ATP11B: variants seen among roughly 807,000 people sequenced by gnomAD.
ATP11B encodes the protein ATPase phospholipid transporting 11B (putative).
ATP11B carries 81 observed loss-of-function variants against 157.8 expected under a neutral mutation model. The observed-to-expected ratio is 0.51, with a 90% CI of 0.43 to 0.62. The LOEUF is 0.62. Ranked by LOEUF, ATP11B falls within the 20% of genes least tolerant of loss-of-function variation. The pLI is 0.00. For missense variants in ATP11B, 1,165 were observed against 1,402.2 expected (o/e 0.83, Z 2.70); for synonymous variants, 451 against 469.4 (o/e 0.96, Z 0.51).
At chr3:182,830,643 G>A (rs961607037) in intron 4 of ATP11B, among the ~76,000 whole-genome samples, 5 of 152,166 alleles carry the variant, frequency 3.3e-5, no homozygotes, top group African/African-American at 7.2e-5. Flanking sequence ...TTTATAAGAT[G>A]TAGGGATAAG....
intron 25 of ATP11B, among the ~76,000 whole-genome samples, chr3:182,895,104 C>T (rs1174564813): frequency 7.8e-6 from 1 of 128,782 alleles, no homozygotes; most frequent in Non-Finnish European, 1.6e-5. Flanking sequence ...CAGATGGAGA[C>T]CCTGACTCAA....
At chr3:182,796,228 A>G (rs1412245873) in intron 1 of ATP11B, among the ~76,000 whole-genome samples, 1 of 152,186 alleles carries the variant, frequency 6.6e-6, no homozygotes, top group African/African-American at 2.4e-5. Context: ...TTTTTGGCAC[A>G]CAATGTTAAA....
Position 182,879,583 on chromosome 3 carries a change from T to C in ATP11B, c.2340T>C (p.Phe780=). Residue 780 remains phenylalanine, a synonymous_variant, in exon 20 of 30, where the codon TTT becomes TTC. Coordinates refer to ENST00000323116, the MANE Select transcript of ATP11B (RefSeq NM_014616.3). The stretch of plus-strand genomic sequence containing the variant: ...CACTCAGGGAGCATGAAAAACTATT[T>C]ATGGAAGTTTGCAGAAATTGTTCAG... ...SLALREHEKL[F]MEVCRNCSAV... is the part of the protein sequence containing the mutation. 6.2e-7 allele frequency: 1 copy of C among 1,614,148 alleles called. No homozygotes were observed.
At chr3:182,898,813 G>T in intron 28 of ATP11B, 41 bp downstream of exon 28, 1 of 1,318,588 alleles carries the variant, frequency 7.6e-7, no homozygotes, top group South Asian at 2.1e-5. Flanking sequence ...TTTTTAGTTA[G>T]GGATCTTTAA....
At chr3:182,883,904 G>A (rs1246574563) in intron 21 of ATP11B, among the ~76,000 whole-genome samples, 9 of 140,912 alleles carry the variant, frequency 6.4e-5, no homozygotes, top group East Asian at 4.1e-4. Flanking sequence ...GCAGTGAGCC[G>A]AGATCCCGCC....
At chr3:182,895,112 CAA>C (rs368282275) in intron 25 of ATP11B, among the ~76,000 whole-genome samples, 21,671 of 67,388 alleles carry the variant, frequency 0.32, 1,987 homozygotes, top group East Asian at 0.46. Flanking sequence ...GACCCTGACT[CAA>C]AAAAAAAAAA....
At chr3:182,893,897 G>T (rs1413383607) in intron 25 of ATP11B, among the ~76,000 whole-genome samples, 1 of 152,110 alleles carries the variant, frequency 6.6e-6, no homozygotes, top group Non-Finnish European at 1.5e-5. Context: ...GGAGTAAGGT[G>T]GTATCACATT....
At chr3:182,825,262 C>T (rs945649340) in intron 2 of ATP11B, among the ~76,000 whole-genome samples, 1 of 152,094 alleles carries the variant, frequency 6.6e-6, no homozygotes, top group African/African-American at 2.4e-5. Context: ...AAATTTTTTT[C>T]ATACACTTTA....
chr3:182,842,792 A>G (rs1719153981), intron 8 of ATP11B, among the ~76,000 whole-genome samples: 1 of 152,242 alleles, frequency 6.6e-6, no homozygotes, highest in Non-Finnish European at 1.5e-5. Context: ...GTATCATAAC[A>G]TCACAGGCCA....
At chr3:182,907,146 C>T (rs1434129349) in intron 28 of ATP11B, among the ~76,000 whole-genome samples, 4 of 151,848 alleles carry the variant, frequency 2.6e-5, no homozygotes, top group Non-Finnish European at 5.9e-5. Flanking sequence ...ATTTTCTCTT[C>T]TCTCGAGGAA....
intron 4 of ATP11B, among the ~76,000 whole-genome samples, chr3:182,835,825 T>C (rs959065878): frequency 1.7e-4 from 26 of 152,136 alleles, no homozygotes; most frequent in African/African-American, 6.3e-4. Flanking sequence ...AGAGGTCCTG[T>C]GAAAGCCAGG....
At chr3:182,832,023 A>G (rs2108507391) in intron 4 of ATP11B, among the ~76,000 whole-genome samples, 1 of 152,294 alleles carries the variant, frequency 6.6e-6, no homozygotes, top group Non-Finnish European at 1.5e-5. Flanking sequence ...ATGTTGCAAT[A>G]CCTCTTGTCC....
chr3:182,824,327 T>G (rs146328010), intron 2 of ATP11B, among the ~76,000 whole-genome samples: 14 of 152,330 alleles, frequency 9.2e-5, no homozygotes, highest in Non-Finnish European at 1.8e-4. Flanking sequence ...GGTTACATGT[T>G]GTTGATGAGG....
In ATP11B at chr3:182,913,791, G is replaced by A; in HGVS notation, c.3319-70G>A. The stretch of plus-strand genomic sequence containing the variant: ...TACCTTTGATTTGAAAGTGCTTGTT[G>A]TAATGTTCTAATGCTTTTCAGAAGT... On this transcript the variant is annotated intron_variant, in intron 28 of 29. Transcript: ENST00000323116. 4.4e-6 allele frequency: 7 copies of A among 1,609,170 alleles called. 1 individual carries two copies. In the South Asian group the frequency reaches 7.8e-5, roughly 18 times the overall value.
intron 21 of ATP11B, among the ~76,000 whole-genome samples, chr3:182,882,200 A>T (rs1454346783): frequency 1.3e-5 from 2 of 151,782 alleles, no homozygotes; most frequent in Non-Finnish European, 2.9e-5. Flanking sequence ...TCTTAGATCA[A>T]CTCCTTCCTC....
At chr3:182,907,649 T>A (rs973960956) in intron 28 of ATP11B, among the ~76,000 whole-genome samples, 4 of 152,226 alleles carry the variant, frequency 2.6e-5, no homozygotes, top group Non-Finnish European at 5.9e-5. Flanking sequence ...TAGGCTCTGA[T>A]TGAGCGCCAA....
intron 28 of ATP11B, among the ~76,000 whole-genome samples, chr3:182,902,042 C>T (rs1447087337): frequency 6.6e-6 from 1 of 151,520 alleles, no homozygotes; most frequent in African/African-American, 2.4e-5. Flanking sequence ...TTTTCCTTTC[C>T]TTTTTTTTGC....
chr3:182,821,104 T>G (rs540007825), intron 2 of ATP11B, among the ~76,000 whole-genome samples: 4 of 150,320 alleles, frequency 2.7e-5, no homozygotes, highest in South Asian at 4.2e-4. Context: ...ATTTTTGGGG[T>G]TTTTTTTGTT....
intron 1 of ATP11B, among the ~76,000 whole-genome samples, chr3:182,816,645 T>G (rs577939640): frequency 6.6e-6 from 1 of 152,336 alleles, no homozygotes; most frequent in South Asian, 2.1e-4. Flanking sequence ...TTGAGGTAGT[T>G]TTAAATATAG....
Sources: gnomAD v4.1 joint callset for allele counts (sites outside exome capture counted in the v4.1 genomes callset) on GRCh38, gnomAD v4.1.1 for gene constraint, MANE v1.5 for transcripts, NCBI Gene and HGNC (gene_info 2026-07-23, HGNC 2026-07-21) for gene names.